DERL1: variants seen among roughly 807,000 people sequenced by gnomAD.
DERL1 encodes derlin-1.
In DERL1, 24 loss-of-function variants were observed where a neutral mutation model predicts 41.6. The ratio of observed to expected loss-of-function variants is 0.58; its 90% CI spans 0.42 to 0.81. DERL1 has a LOEUF of 0.81. Among genes scored for constraint, DERL1 ranks in the 30% least tolerant of loss-of-function variants. DERL1 has a pLI of 0.00. For synonymous variants in DERL1, 124 were observed against 112.5 expected, an observed-to-expected ratio of 1.10 and a Z score of -0.65; for missense variants, 260 against 314.3, an observed-to-expected ratio of 0.83 and a Z score of 1.31.
chr8:123,030,724 G>A lies in DERL1; in HGVS notation c.154-8C>T, dbSNP rs1403750025. On this transcript the variant is annotated splice_region_variant and splice_polypyrimidine_tract_variant and intron_variant, in intron 1 of 7. Transcript: ENST00000259512. Reference sequence around the variant, plus strand: ...AGTGATTGGCCTCCAAATCTGTCCAGATCAAAATAAACACAGCTGTTAGTT... The same window carrying A: ...AGTGATTGGCCTCCAAATCTGTCCAAATCAAAATAAACACAGCTGTTAGTT... 1 of 1,579,610 alleles carries A rather than the reference G, an allele frequency of 6.3e-7. No homozygotes were observed. The highest frequency in any genetic ancestry group is 1.1e-5 in the South Asian group (1 of 89,022).
chr8:123,019,432 A>C (rs60050028), intron 6 of DERL1, 127 bp from the exon 7 acceptor site: 33,602 of 652,154 alleles, frequency 0.052, 1,608 homozygotes, highest in East Asian at 0.19. Context: ...GTGAGAGCTG[A>C]CAATGAGCAC....
At chr8:123,022,245 CA>C (rs1212191654) in intron 5 of DERL1, among the ~76,000 whole-genome samples, 2 of 152,090 alleles carry the variant, frequency 1.3e-5, no homozygotes, top group Non-Finnish European at 2.9e-5. Context: ...AGGATTTATA[CA>C]AAGAAGAGAA....
intron 3 of DERL1, among the ~76,000 whole-genome samples, chr8:123,024,545 T>C (rs1375412897): frequency 1.3e-5 from 2 of 152,198 alleles, no homozygotes; most frequent in East Asian, 3.8e-4. Flanking sequence ...AGCTGGGTAC[T>C]TCACAGAGGG....
In DERL1 at chr8:123,042,159, C is replaced by A; in HGVS notation, c.-37G>T. 6.4e-7 allele frequency: 1 copy of A among 1,558,290 alleles called. No homozygotes were observed. On this transcript the variant is annotated 5_prime_UTR_variant, in exon 1 of 8. Transcript: ENST00000259512. ...AGGTAGCCAAGATGCACAAGACCGC[C>A]CGACTCCCCGTGCCGACCCCCTCAC...
In DERL1 at chr8:123,013,338, A is replaced by C. The variant is rs1814463748; in HGVS notation, c.*2109T>G. On this transcript the variant is annotated 3_prime_UTR_variant, in exon 8 of 8. Transcript: ENST00000259512. ...GAGCAGGGACATGGAAACTTAACAC[A>C]GACAACCTTCAAGTTGCACATTTTA... 6.6e-6 allele frequency: 1 copy of C among 152,256 alleles called. No individual in the cohort carries two copies. The highest frequency in any genetic ancestry group is 6.5e-5 in the Admixed American group (1 of 15,286). The allele number at this position is 152,256 out of a possible 1,614,324, so 9.4% of individuals were successfully genotyped here.
chr8:123,024,932 A>G lies in DERL1; in HGVS notation c.330+54T>C, dbSNP rs545833288. On this transcript the variant is annotated intron_variant, in intron 3 of 7. Transcript: ENST00000259512. ...TTACAGAATATGGTCTATTTCCCCA[A>G]ACCTGGAAAAAAACTGGTTTATTTC... 3 of 1,587,812 alleles carry G rather than the reference A, an allele frequency of 1.9e-6. No individual in the cohort carries two copies. In the East Asian group the frequency reaches 6.7e-5, roughly 36 times the overall value.
At chr8:123,020,260 A>G (rs1488598690) in intron 6 of DERL1, among the ~76,000 whole-genome samples, 3 of 152,132 alleles carry the variant, frequency 2.0e-5, no homozygotes, top group African/African-American at 7.2e-5. Flanking sequence ...TGAGCGGATC[A>G]TTTGAGGTCA....
intron 1 of DERL1, among the ~76,000 whole-genome samples, chr8:123,035,539 G>C (rs1481445881): frequency 6.6e-6 from 1 of 152,216 alleles, no homozygotes; most frequent in African/African-American, 2.4e-5. Flanking sequence ...ACGACTTGCA[G>C]ACAGAGGACT....
intron 1 of DERL1, among the ~76,000 whole-genome samples, chr8:123,040,183 A>C (rs10094426): frequency 6.6e-6 from 1 of 151,976 alleles, no homozygotes; most frequent in Non-Finnish European, 1.5e-5. Flanking sequence ...CGCCATATAC[A>C]CTCCAGCCTG....
intron 1 of DERL1, among the ~76,000 whole-genome samples, chr8:123,032,150 C>G (rs918801828): frequency 1.3e-5 from 2 of 151,172 alleles, no homozygotes; most frequent in East Asian, 3.9e-4. Flanking sequence ...TTTTTTCCCC[C>G]CCGAGATAGG....
At chr8:123,033,441 C>T (rs938496340) in intron 1 of DERL1, among the ~76,000 whole-genome samples, 1 of 152,146 alleles carries the variant, frequency 6.6e-6, no homozygotes, top group African/African-American at 2.4e-5. Flanking sequence ...TTACTGCCTA[C>T]AATATTGAAA....
chr8:123,027,403 G>T (rs1383081280), intron 2 of DERL1, among the ~76,000 whole-genome samples: 1 of 151,882 alleles, frequency 6.6e-6, no homozygotes, highest in African/African-American at 2.4e-5. Flanking sequence ...TTCTTTTGGG[G>T]GTGGTGAAAT....
At position 123,015,433 on chromosome 8, in the gene DERL1, C is replaced by T. The variant is rs1349601133; in HGVS notation, c.*14G>A. 6.2e-7 allele frequency: 1 copy of T among 1,610,508 alleles called. No individual in the cohort carries two copies. Among genetic ancestry groups the T allele is most frequent in the Non-Finnish European group, 8.5e-7 (1 of 1,178,438 alleles). ...AATGTGGCTTGAGAGGAGCGGCTGCCCGAGGCCGCCCCTTCACTGGTCTCC... is the reference window on the plus strand; with the variant it reads ...AATGTGGCTTGAGAGGAGCGGCTGCTCGAGGCCGCCCCTTCACTGGTCTCC... On this transcript the variant is annotated 3_prime_UTR_variant, in exon 8 of 8. Coordinates refer to ENST00000259512, the MANE Select transcript of DERL1 (RefSeq NM_024295.6).
chr8:123,034,418 TTATAAG>T (rs1201633658), intron 1 of DERL1, among the ~76,000 whole-genome samples: 7 of 152,234 alleles, frequency 4.6e-5, no homozygotes, highest in Non-Finnish European at 8.8e-5. Context: ...AAGTTTTTGC[TTATAAG>T]TCACCACTTC....
intron 2 of DERL1, among the ~76,000 whole-genome samples, chr8:123,028,261 A>G (rs1470637376): frequency 6.6e-6 from 1 of 152,148 alleles, no homozygotes; most frequent in Admixed American, 6.5e-5. Flanking sequence ...TGGCTATGAG[A>G]TAACTATTAG....
At chr8:123,027,781 G>A (rs1221156901) in intron 2 of DERL1, among the ~76,000 whole-genome samples, 2 of 152,140 alleles carry the variant, frequency 1.3e-5, no homozygotes. Context: ...GTGGCCATTG[G>A]CCAGGTGCAG....
chr8:123,036,990 T>A lies in DERL1; in HGVS notation c.153+4980A>T, dbSNP rs556760284. ...ATTAGAGAAATCAAGAGTTCACATCTTCCCATTTCAAGTCAGGATGCTTTT... is the reference window on the plus strand; with the variant it reads ...ATTAGAGAAATCAAGAGTTCACATCATCCCATTTCAAGTCAGGATGCTTTT... On this transcript the variant is annotated intron_variant, in intron 1 of 7. Coordinates refer to ENST00000259512, the MANE Select transcript of DERL1 (RefSeq NM_024295.6). 1.8e-4 allele frequency among the ~76,000 whole-genome samples: 28 copies of A among 152,306 alleles called. No individual in the cohort carries two copies. The South Asian group carries it at 2.1e-3, about 11-fold the overall frequency.
intron 4 of DERL1, among the ~76,000 whole-genome samples, chr8:123,023,008 T>A (rs1812600100): frequency 6.6e-6 from 1 of 152,184 alleles, no homozygotes; most frequent in South Asian, 2.1e-4. Flanking sequence ...TTCAGAAATG[T>A]AAGAGTCAAG....
Position 123,036,470 on chromosome 8 carries a change from G to T in DERL1, c.153+5500C>A, listed in dbSNP as rs150323265. ...TCACCCTTAGAGAGGACAGTGACCA[G>T]AAGGAAGCAGGAGAAAGCTTTTAGA... On this transcript the variant is annotated intron_variant, in intron 1 of 7. Transcript: ENST00000259512. Among the ~76,000 whole-genome samples the T allele has an allele frequency of 3.3e-5, 5 of 152,328 alleles. No homozygotes were observed. The East Asian group carries it at 9.6e-4, about 29-fold the overall frequency.
Sources: allele counts gnomAD v4.1 joint callset (sites outside exome capture counted in the v4.1 genomes callset), GRCh38; gene constraint gnomAD v4.1.1; transcripts MANE v1.5; gene names NCBI Gene and HGNC (gene_info 2026-07-23, HGNC 2026-07-21).